Variants in DYM observed in about 807,000 individuals in gnomAD.
DYM encodes the protein dymeclin.
Under a neutral mutation model 93.1 loss-of-function variants are expected in DYM, and 78 were observed. The ratio of observed to expected loss-of-function variants is 0.84; its 90% confidence interval spans 0.70 to 1.01. DYM has a LOEUF of 1.01. DYM is among the 50% of genes least tolerant of loss of function. The pLI, the probability that DYM is intolerant of heterozygous loss-of-function variation, is 0.00. For missense variants in DYM, 789 were observed against 845.0 expected, an observed-to-expected ratio of 0.93 and a Z score of 0.82; for synonymous variants, 321 against 319.7, an observed-to-expected ratio of 1.00 and a Z score of -0.04.
intron 16 of DYM, among the ~76,000 whole-genome samples, chr18:49,112,416 TG>T (rs1368586365): frequency 6.6e-6 from 1 of 152,130 alleles, no homozygotes; most frequent in African/African-American, 2.4e-5. Context: ...ACTTGTATGG[TG>T]GCTACCTACC....
chr18:49,221,639 A>G (rs2093361822), intron 13 of DYM, among the ~76,000 whole-genome samples: 1 of 152,234 alleles, frequency 6.6e-6, no homozygotes, highest in South Asian at 2.1e-4. Flanking sequence ...CATCATTCTC[A>G]GTAAACTATC....
At chr18:49,339,053 GA>G (rs144426917) in intron 6 of DYM, among the ~76,000 whole-genome samples, 2 of 150,646 alleles carry the variant, frequency 1.3e-5, no homozygotes, top group Non-Finnish European at 1.5e-5. Context: ...AACTCTGCTA[GA>G]AAAAAAAAAT....
At chr18:49,282,264 C>G in intron 9 of DYM, 89 bp from the exon 10 acceptor site, 1 of 1,215,954 alleles carries the variant, frequency 8.2e-7, no homozygotes, top group Admixed American at 1.9e-5. Context: ...CAACTCAATT[C>G]CCATTAATTT....
chr18:49,224,766 G>A (rs1167990707), intron 13 of DYM, among the ~76,000 whole-genome samples: 2 of 152,022 alleles, frequency 1.3e-5, no homozygotes, highest in Non-Finnish European at 2.9e-5. Context: ...AATGTCTGTT[G>A]TTTATAAGCT....
At chr18:49,136,804 G>C (rs746991371) in intron 15 of DYM, among the ~76,000 whole-genome samples, 3 of 152,138 alleles carry the variant, frequency 2.0e-5, no homozygotes, top group Non-Finnish European at 4.4e-5. Context: ...AAGTTTACTT[G>C]GCAAGAAGGA....
intron 14 of DYM, among the ~76,000 whole-genome samples, chr18:49,167,100 T>G (rs556690330): frequency 1.3e-5 from 2 of 151,912 alleles, no homozygotes; most frequent in East Asian, 3.9e-4. Flanking sequence ...TAACTCTCAT[T>G]ATCAATTTAA....
At chr18:49,341,749 G>A (rs970107945) in intron 6 of DYM, among the ~76,000 whole-genome samples, 7 of 152,168 alleles carry the variant, frequency 4.6e-5, no homozygotes, top group African/African-American at 1.7e-4. Context: ...TGTAGACCAT[G>A]AGTTTGGGGA....
intron 15 of DYM, among the ~76,000 whole-genome samples, chr18:49,146,063 C>T (rs1333322106): frequency 1.3e-5 from 2 of 152,140 alleles, no homozygotes; most frequent in African/African-American, 4.8e-5. Context: ...TTTCTTCCTC[C>T]TCCTTCTCTC....
At chr18:49,325,732 A>AT (rs1033451746) in intron 8 of DYM, among the ~76,000 whole-genome samples, 6 of 152,182 alleles carry the variant, frequency 3.9e-5, no homozygotes, top group African/African-American at 7.2e-5. Context: ...ATTTAGATTT[A>AT]TTTTTTTAAA....
At chr18:49,451,997 TTG>T (rs1239185924) in intron 1 of DYM, among the ~76,000 whole-genome samples, 3 of 152,208 alleles carry the variant, frequency 2.0e-5, no homozygotes, top group African/African-American at 7.2e-5. Context: ...TACACCACAC[TTG>T]TGGGAATTGC....
At chr18:49,416,838 G>A (rs947052491) in intron 2 of DYM, among the ~76,000 whole-genome samples, 1 of 152,120 alleles carries the variant, frequency 6.6e-6, no homozygotes, top group Non-Finnish European at 1.5e-5. Context: ...CTAATCCTCA[G>A]CTTTCTAACA....
At chr18:49,358,131 C>A (rs1599653171) in intron 6 of DYM, among the ~76,000 whole-genome samples, 2 of 152,066 alleles carry the variant, frequency 1.3e-5, no homozygotes, top group African/African-American at 4.8e-5. Flanking sequence ...GGCTGGGTGA[C>A]AGAGTGGGAA....
chr18:49,449,066 ACTCCCC>A (rs2082323136), intron 1 of DYM, among the ~76,000 whole-genome samples: 1 of 151,370 alleles, frequency 6.6e-6, no homozygotes, highest in East Asian at 1.9e-4. Flanking sequence ...AAAATTTCCC[ACTCCCC>A]ACTTTCACTC....
intron 13 of DYM, among the ~76,000 whole-genome samples, chr18:49,244,269 T>C (rs1228522334): frequency 2.0e-5 from 3 of 152,238 alleles, no homozygotes; most frequent in Non-Finnish European, 2.9e-5. Flanking sequence ...TGAACTCCGA[T>C]TGGGAAAAGC....
intron 11 of DYM, among the ~76,000 whole-genome samples, chr18:49,271,829 C>T (rs1207005931): frequency 6.6e-6 from 1 of 151,840 alleles, no homozygotes; most frequent in Non-Finnish European, 1.5e-5. Context: ...ATTTTGGTCC[C>T]TTTTTCTTCT....
chr18:49,300,323 G>C (rs2060840911), intron 8 of DYM, among the ~76,000 whole-genome samples: 2 of 151,786 alleles, frequency 1.3e-5, no homozygotes, highest in South Asian at 4.1e-4. Context: ...TAGTAGGCCG[G>C]GTGCCATGGC....
intron 15 of DYM, among the ~76,000 whole-genome samples, chr18:49,141,672 C>G (rs1306439314): frequency 2.0e-5 from 3 of 152,146 alleles, no homozygotes; most frequent in Non-Finnish European, 4.4e-5. Flanking sequence ...GCCTCTAAAT[C>G]TAAAACAGGA....
At chr18:49,209,350 G>A (rs562022555) in intron 14 of DYM, among the ~76,000 whole-genome samples, 215 of 152,200 alleles carry the variant, frequency 1.4e-3, no homozygotes, top group Non-Finnish European at 2.1e-3. Flanking sequence ...CCTCTCTCCC[G>A]TGAAACATAA....
chr18:49,079,598 TGATGACTCTTAACGAGCATGCTG>T (rs1301171059), intron 17 of DYM, among the ~76,000 whole-genome samples: 1 of 151,624 alleles, frequency 6.6e-6, no homozygotes, highest in Non-Finnish European at 1.5e-5. Context: ...TAGGGAGTGG[TGATGACTCTTAACGAGCATGCTG>T]CCTTCAAGCA....
Sources: allele counts gnomAD v4.1 joint callset (sites outside exome capture counted in the v4.1 genomes callset), GRCh38; gene constraint gnomAD v4.1.1; transcripts MANE v1.5; gene names NCBI Gene and HGNC (gene_info 2026-07-23, HGNC 2026-07-21).